Variants in SPOCK1 observed in about 807,000 individuals in gnomAD.
SPOCK1 encodes SPARC (osteonectin), cwcv and kazal like domains proteoglycan 1, also known as testican-1.
A neutral mutation model predicts 55.3 loss-of-function variants in SPOCK1; 23 were observed. The observed-to-expected ratio is 0.42, with a 90% CI of 0.30 to 0.59. SPOCK1 has a LOEUF of 0.59. Among genes scored for constraint, SPOCK1 ranks in the 20% least tolerant of loss-of-function variants. The pLI is 0.22. For missense variants in SPOCK1, 499 were observed against 552.5 expected, an observed-to-expected ratio of 0.90 and a Z score of 0.97; for synonymous variants, 226 against 221.0, an observed-to-expected ratio of 1.02 and a Z score of -0.20.
intron 3 of SPOCK1, among the ~76,000 whole-genome samples, chr5:137,176,710 T>C (rs1451962968): frequency 6.6e-6 from 1 of 152,038 alleles, no homozygotes; most frequent in Non-Finnish European, 1.5e-5. Context: ...AAATCAACTG[T>C]AGGGGCCAGA....
chr5:137,144,637 T>C (rs973682699), intron 3 of SPOCK1, among the ~76,000 whole-genome samples: 5 of 152,118 alleles, frequency 3.3e-5, no homozygotes, highest in Non-Finnish European at 7.4e-5. Flanking sequence ...GCCTCCCAAA[T>C]ACGTTTTACC....
At chr5:137,290,891 C>T (rs754266374) in intron 2 of SPOCK1, among the ~76,000 whole-genome samples, 2 of 152,178 alleles carry the variant, frequency 1.3e-5, no homozygotes, top group Non-Finnish European at 2.9e-5. Context: ...CTAGTACTGG[C>T]ACAAGTAGTA....
intron 2 of SPOCK1, among the ~76,000 whole-genome samples, chr5:137,482,444 A>G (rs1291251204): frequency 1.3e-5 from 2 of 152,150 alleles, no homozygotes; most frequent in Non-Finnish European, 2.9e-5. Context: ...AGAATTATAC[A>G]GGGAAAGAGA....
chr5:137,466,108 G>A (rs1753615152), intron 2 of SPOCK1, among the ~76,000 whole-genome samples: 1 of 152,210 alleles, frequency 6.6e-6, no homozygotes, highest in Non-Finnish European at 1.5e-5. Flanking sequence ...GTGGTTAAAT[G>A]TGCAAACAAT....
At chr5:137,237,690 A>G (rs1321040107) in intron 3 of SPOCK1, among the ~76,000 whole-genome samples, 1 of 152,250 alleles carries the variant, frequency 6.6e-6, no homozygotes, top group African/African-American at 2.4e-5. Flanking sequence ...TACAATTCAG[A>G]CAGCAGAAGG....
At chr5:137,176,482 C>T (rs976847369) in intron 3 of SPOCK1, among the ~76,000 whole-genome samples, 2 of 146,224 alleles carry the variant, frequency 1.4e-5, no homozygotes, top group African/African-American at 5.1e-5. Flanking sequence ...CTAATGCTTA[C>T]AAAAATCTCC....
In SPOCK1 at chr5:137,112,506, T is replaced by C. The variant is rs1020690301; in HGVS notation, c.403A>G (p.Lys135Glu). ...KHWVGPSNLV[K>E]CKPCPVAQSA... ...TGTGCCACGGGACAGGGCTTGCACT[T>C]GACCAAATTCGAAGGTCCAACCCAG... Residue 135 changes from lysine to glutamate, a missense_variant, in exon 5 of 11, where the codon AAG (lysine) becomes GAG (glutamate). Physicochemically the swap from Lys to Glu is moderately conservative, Grantham distance 56 (BLOSUM62 1). Around this residue, in one of 3 missense-constraint regions of SPOCK1, gnomAD observed 386 missense variants for 400.6 expected, o/e 0.96. Transcript: ENST00000394945. 1.9e-6 allele frequency: 3 copies of C among 1,613,774 alleles called. No individual in the cohort carries two copies. The African/African-American group carries it at 4.0e-5, about 22-fold the overall frequency.
chr5:137,113,147 C>G lies in SPOCK1; in HGVS notation c.348-586G>C, dbSNP rs187746943. Among the ~76,000 whole-genome samples, 7 of 152,318 alleles carry G rather than the reference C, an allele frequency of 4.6e-5. No individual in the cohort carries two copies. In the East Asian group the frequency reaches 1.4e-3, roughly 29 times the overall value. ...AGAGGCTCTGAGGTGATGTCACTTTCAACTGTTAAAATAATCAGAATTCTA... is the reference window on the plus strand; with the variant it reads ...AGAGGCTCTGAGGTGATGTCACTTTGAACTGTTAAAATAATCAGAATTCTA... On this transcript the variant is annotated intron_variant, in intron 4 of 10. Transcript: ENST00000394945.
rs1049495631 is a variant in SPOCK1, at chr5:137,088,737, T to C, written c.475-20908A>G. ...AACAAATGGATCAATTAGCATATGA[T>C]ACCACATCGGTCACAATCCCATGGT... is the stretch of plus-strand genomic sequence containing the variant. On this transcript the variant is annotated intron_variant, in intron 5 of 10. Coordinates refer to ENST00000394945, the MANE Select transcript of SPOCK1 (RefSeq NM_004598.4). Among the ~76,000 whole-genome samples the C allele has an allele frequency of 2.0e-5, 3 of 152,130 alleles. No individual in the cohort carries two copies. The East Asian group carries it at 5.8e-4, about 29-fold the overall frequency.
chr5:137,330,621 A>T (rs922060009), intron 2 of SPOCK1, among the ~76,000 whole-genome samples: 4 of 152,250 alleles, frequency 2.6e-5, no homozygotes, highest in Non-Finnish European at 4.4e-5. Context: ...CAACAAATAC[A>T]TATTGACAAA....
In SPOCK1 at chr5:136,976,857, G is replaced by A. The variant is rs1439633911; in HGVS notation, c.*1797C>T. The A allele has an allele frequency of 6.6e-6, 1 of 152,212 alleles. No homozygotes were observed. The highest frequency in any genetic ancestry group is 1.5e-5 in the Non-Finnish European group (1 of 68,036). 9.4% of individuals were successfully genotyped at this position (152,212 alleles called of 1,614,324 possible). On this transcript the variant is annotated 3_prime_UTR_variant, in exon 11 of 11. Transcript: ENST00000394945. ...TATAGGTATGATGCTACTGTATTCA[G>A]GCAATGCCGACTGGATTGGAACATG...
At chr5:137,352,681 G>A (rs905734517) in intron 2 of SPOCK1, among the ~76,000 whole-genome samples, 3 of 152,102 alleles carry the variant, frequency 2.0e-5, no homozygotes, top group Admixed American at 1.3e-4. Context: ...GTGGGGAAGA[G>A]GAAGGGGTGG....
At chr5:137,444,974 G>T (rs1435528407) in intron 2 of SPOCK1, among the ~76,000 whole-genome samples, 1 of 152,186 alleles carries the variant, frequency 6.6e-6, no homozygotes, top group East Asian at 1.9e-4. Context: ...TGGGTTAGGG[G>T]CTTGTCCCTA....
intron 3 of SPOCK1, among the ~76,000 whole-genome samples, chr5:137,260,459 G>A (rs959249561): frequency 4.6e-5 from 7 of 152,164 alleles, no homozygotes; most frequent in Admixed American, 1.3e-4. Context: ...AATTTCTATT[G>A]TAAAATATAT....
intron 2 of SPOCK1, among the ~76,000 whole-genome samples, chr5:137,361,178 T>C (rs1325496873): frequency 6.6e-6 from 1 of 152,182 alleles, no homozygotes; most frequent in Non-Finnish European, 1.5e-5. Flanking sequence ...CACCAAGAAC[T>C]GAATCTGCCA....
At chr5:137,446,966 G>T (rs1448639599) in intron 2 of SPOCK1, among the ~76,000 whole-genome samples, 6 of 152,136 alleles carry the variant, frequency 3.9e-5, no homozygotes, top group Non-Finnish European at 8.8e-5. Flanking sequence ...CATCCATGTT[G>T]TAACATGTGA....
At chr5:137,120,690 T>C (rs1753668328) in intron 4 of SPOCK1, among the ~76,000 whole-genome samples, 1 of 152,234 alleles carries the variant, frequency 6.6e-6, no homozygotes, top group East Asian at 1.9e-4. Context: ...TTTGTTACTC[T>C]ATATGCCTTT....
chr5:137,183,537 A>G (rs1460721355), intron 3 of SPOCK1, among the ~76,000 whole-genome samples: 1 of 152,228 alleles, frequency 6.6e-6, no homozygotes, highest in Non-Finnish European at 1.5e-5. Context: ...ACCTTCTGAA[A>G]TTAGAATCTT....
intron 2 of SPOCK1, among the ~76,000 whole-genome samples, chr5:137,322,710 C>CA (rs142049931): frequency 0.069 from 9,875 of 143,316 alleles, 569 homozygotes; most frequent in African/African-American, 0.16. Context: ...ATATCCTTAC[C>CA]AAAAAAAAAA....
Sources: allele counts gnomAD v4.1 joint callset (sites outside exome capture counted in the v4.1 genomes callset), GRCh38; gene constraint gnomAD v4.1.1; regional missense constraint gnomAD v4.1.1; transcripts MANE v1.5; gene names NCBI Gene and HGNC (gene_info 2026-07-23, HGNC 2026-07-21).